Variants in AKAP13 observed in about 807,000 individuals in gnomAD.
The protein encoded by AKAP13 is A-kinase anchor protein 13.
Under a neutral mutation model 264.5 loss-of-function variants are expected in AKAP13, and 80 were observed. The observed-to-expected ratio is 0.30, with a 90% CI of 0.25 to 0.36. The LOEUF (loss-of-function observed/expected upper bound fraction) is 0.36, where lower values mean the gene tolerates loss of function less well. Ranked by LOEUF, AKAP13 falls within the 10% of genes least tolerant of loss-of-function variation. AKAP13 has a pLI of 1.00. For missense variants in AKAP13, 3,712 were observed against 3,435.2 expected (o/e 1.08, Z -2.01); for synonymous variants, 1,380 against 1,250.2 (o/e 1.10, Z -2.19).
chr15:85,433,045 T>C (rs1198336767), intron 1 of AKAP13, among the ~76,000 whole-genome samples: 1 of 152,068 alleles, frequency 6.6e-6, no homozygotes, highest in African/African-American at 2.4e-5. Flanking sequence ...AAAAATAGTT[T>C]TTAAAATATT....
intron 6 of AKAP13, among the ~76,000 whole-genome samples, chr15:85,577,571 A>G (rs1019788668): frequency 4.6e-5 from 7 of 152,156 alleles, no homozygotes; most frequent in African/African-American, 1.7e-4. Flanking sequence ...TATTTCTTCC[A>G]TCAGTTTTAT....
chr15:85,601,846 A>G (rs955495527), intron 8 of AKAP13, among the ~76,000 whole-genome samples: 2 of 143,108 alleles, frequency 1.4e-5, no homozygotes, highest in African/African-American at 4.9e-5. Context: ...TTACTACAAT[A>G]AACTAATCAT....
chr15:85,747,114 T>G lies in AKAP13; in HGVS notation c.*2437T>G, dbSNP rs1218016931. Reference sequence around the variant, plus strand: ...TTGGTCAGGTTCTGGTTGGACAAGTTTAAAATCAAAGTAGTGCCCGGAATT... The same window carrying G: ...TTGGTCAGGTTCTGGTTGGACAAGTGTAAAATCAAAGTAGTGCCCGGAATT... On this transcript the variant is annotated 3_prime_UTR_variant, in exon 37 of 37. Coordinates refer to ENST00000394518, the MANE Select transcript of AKAP13 (RefSeq NM_007200.5). 2 of 152,148 alleles carry G rather than the reference T, an allele frequency of 1.3e-5. No homozygotes were observed. Among genetic ancestry groups the G allele is most frequent in the East Asian group, 3.8e-4 (2 of 5,198 alleles). 9.4% of individuals were successfully genotyped at this position (152,148 alleles called of 1,614,324 possible). A position where few individuals can be genotyped will look rare whatever the true frequency, so the allele number is the denominator to read the frequency against.
chr15:85,438,708 G>C (rs1281219600), intron 1 of AKAP13, among the ~76,000 whole-genome samples: 1 of 151,078 alleles, frequency 6.6e-6, no homozygotes, highest in Non-Finnish European at 1.5e-5. Context: ...AGAAAAACAA[G>C]CAATGGGGAA....
chr15:85,493,132 T>C (rs1019973571), intron 2 of AKAP13, among the ~76,000 whole-genome samples: 1 of 152,314 alleles, frequency 6.6e-6, no homozygotes, highest in South Asian at 2.1e-4. Context: ...ATAAATTGCC[T>C]GAGGTTTAAG....
At chr15:85,459,593 A>G (rs1407457116) in intron 1 of AKAP13, among the ~76,000 whole-genome samples, 3 of 148,444 alleles carry the variant, frequency 2.0e-5, no homozygotes, top group Non-Finnish European at 4.5e-5. Context: ...TCCGCCTCCC[A>G]GGTTCACACC....
rs774093965 is a variant in AKAP13 at position 85,717,291 on chromosome 15, G to A, written c.5737G>A (p.Val1913Ile). 1.2e-5 allele frequency: 20 copies of A among 1,602,234 alleles called. 1 individual carries two copies. The South Asian group carries it at 2.0e-4, about 16-fold the overall frequency. ...TATGTATTTTTCTTTTGTCCCCAGA[G>A]TTGGCAATGATGAGAACATGTCAAA... is the stretch of plus-strand genomic sequence containing the variant. Reference protein sequence around the residue: ...KSVSIQNITGVGNDENMSNTW... With the variant: ...KSVSIQNITGIGNDENMSNTW... The change falls in exon 21 of 37, where the codon GTT becomes ATT. Residue 1913 changes from valine to isoleucine, a missense_variant and splice_region_variant. By Grantham distance (29) the Val-to-Ile change is conservative. Transcript: ENST00000394518.
At chr15:85,488,348 T>G (rs11633604) in intron 2 of AKAP13, among the ~76,000 whole-genome samples, 77,638 of 152,114 alleles carry the variant, frequency 0.51, 20,362 homozygotes, top group Middle Eastern at 0.61. Flanking sequence ...TTGAGGACTC[T>G]TGTGTCTATA....
intron 11 of AKAP13, among the ~76,000 whole-genome samples, chr15:85,657,384 C>T (rs1460195134): frequency 5.3e-5 from 8 of 152,194 alleles, no homozygotes; most frequent in Non-Finnish European, 1.0e-4. Flanking sequence ...GTAATACCTT[C>T]TTACACTTTC....
chr15:85,496,105 A>G (rs751851371), intron 2 of AKAP13, among the ~76,000 whole-genome samples: 6 of 152,198 alleles, frequency 3.9e-5, no homozygotes, highest in Admixed American at 2.6e-4. Flanking sequence ...GACAATAGAC[A>G]TATAGGGTTT....
At chr15:85,689,950 C>T (rs1222618696) in intron 16 of AKAP13, 2 of 152,400 alleles carry the variant, frequency 1.3e-5, no homozygotes, top group African/African-American at 4.8e-5. Flanking sequence ...CTAATGGCAG[C>T]TCAAAGCTGC....
chr15:85,700,814 G>A (rs528534433), intron 17 of AKAP13, among the ~76,000 whole-genome samples: 1 of 151,892 alleles, frequency 6.6e-6, no homozygotes, highest in Admixed American at 6.6e-5. Context: ...TGCAAGGCAA[G>A]CCATTAAAAA....
intron 20 of AKAP13, 106 bp from the exon 21 acceptor site, chr15:85,717,184 A>G (rs1433373318): frequency 3.0e-6 from 2 of 663,668 alleles, no homozygotes; most frequent in African/African-American, 1.9e-5. Context: ...TCACTGTAGT[A>G]CTTCCAGCCA....
intron 1 of AKAP13, among the ~76,000 whole-genome samples, chr15:85,387,094 G>A (rs2070603743): frequency 6.6e-6 from 1 of 151,832 alleles, no homozygotes; most frequent in African/African-American, 2.4e-5. Context: ...CTAGCACTTT[G>A]GAGGCTGAGG....
At chr15:85,462,972 C>T (rs1432172915) in intron 1 of AKAP13, among the ~76,000 whole-genome samples, 114 of 130,682 alleles carry the variant, frequency 8.7e-4, no homozygotes, top group African/African-American at 2.7e-3. Context: ...TGCAGTGAGC[C>T]GAGATCCCGC....
intron 2 of AKAP13, among the ~76,000 whole-genome samples, chr15:85,487,197 G>C (rs1199297793): frequency 1.3e-5 from 2 of 152,162 alleles, no homozygotes; most frequent in African/African-American, 4.8e-5. Context: ...TCTCTGTACA[G>C]GATCAAGTGA....
chr15:85,720,733 T>G (rs2087233548), intron 23 of AKAP13, among the ~76,000 whole-genome samples: 1 of 152,200 alleles, frequency 6.6e-6, no homozygotes, highest in Non-Finnish European at 1.5e-5. Context: ...GTAAATTTTG[T>G]CTTTCCTTTG....
intron 2 of AKAP13, among the ~76,000 whole-genome samples, chr15:85,492,994 T>G (rs2075773156): frequency 6.6e-6 from 1 of 152,138 alleles, no homozygotes; most frequent in Non-Finnish European, 1.5e-5. Context: ...CCCTCTAAAG[T>G]TGTTTCTGGT....
intron 4 of AKAP13, among the ~76,000 whole-genome samples, chr15:85,543,299 G>T (rs2077630866): frequency 6.6e-6 from 1 of 152,200 alleles, no homozygotes; most frequent in South Asian, 2.1e-4. Context: ...GCCAACTCCT[G>T]TCTGGGTGTT....
Sources: allele counts gnomAD v4.1 joint callset (sites outside exome capture counted in the v4.1 genomes callset), GRCh38; gene constraint gnomAD v4.1.1; transcripts MANE v1.5; gene names NCBI Gene and HGNC (gene_info 2026-07-23, HGNC 2026-07-21).